NUP205: variants seen among roughly 807,000 people sequenced by gnomAD.
NUP205 encodes the protein nuclear pore complex protein Nup205.
In NUP205, 76 loss-of-function variants were observed where a neutral mutation model predicts 253.8. The observed-to-expected ratio is 0.30, with a 90% CI of 0.25 to 0.36. The LOEUF (loss-of-function observed/expected upper bound fraction) is 0.36, where lower values mean the gene tolerates loss of function less well. Among genes scored for constraint, NUP205 ranks in the 10% least tolerant of loss-of-function variants. The pLI is 1.00. For synonymous variants in NUP205, 832 were observed against 850.1 expected (o/e 0.98, Z 0.37); for missense variants, 2,162 against 2,425.5 (o/e 0.89, Z 2.28).
At chr7:135,561,722 C>G (rs1424534439) in intron 1 of NUP205, among the ~76,000 whole-genome samples, 1 of 152,182 alleles carries the variant, frequency 6.6e-6, no homozygotes, top group Admixed American at 6.6e-5. Flanking sequence ...GTAAATCCCA[C>G]CCATTGTGTT....
chr7:135,622,415 C>A (rs1466590509), intron 30 of NUP205, among the ~76,000 whole-genome samples: 1 of 143,686 alleles, frequency 7.0e-6, no homozygotes, highest in Non-Finnish European at 1.5e-5. Context: ...GAGCCAGGCT[C>A]TGTCTCAAAA....
chr7:135,589,293 CT>C (rs1161966811), intron 10 of NUP205, among the ~76,000 whole-genome samples: 3 of 147,516 alleles, frequency 2.0e-5, no homozygotes. Context: ...GATCAGATGC[CT>C]TTTTTTTTGA....
intron 10 of NUP205, among the ~76,000 whole-genome samples, chr7:135,590,999 G>T (rs992549878): frequency 6.6e-6 from 1 of 152,196 alleles, no homozygotes; most frequent in Non-Finnish European, 1.5e-5. Flanking sequence ...AAGAACAGGA[G>T]TATGGGAACG....
chr7:135,648,320 A>C, intron 42 of NUP205, 84 bp from the exon 43 acceptor site: 1 of 1,211,216 alleles, frequency 8.3e-7, no homozygotes, highest in Non-Finnish European at 1.1e-6. Context: ...CAAAAATTCT[A>C]AAGTGTTTTA....
intron 3 of NUP205, among the ~76,000 whole-genome samples, chr7:135,575,434 G>T (rs1251939912): frequency 6.6e-6 from 1 of 152,044 alleles, no homozygotes; most frequent in Non-Finnish European, 1.5e-5. Context: ...TGGAGGAGTA[G>T]TTGCAGTAAG....
chr7:135,579,521 A>G (rs1248256431), intron 7 of NUP205, among the ~76,000 whole-genome samples: 1 of 152,116 alleles, frequency 6.6e-6, no homozygotes, highest in Non-Finnish European at 1.5e-5. Flanking sequence ...ATTAAAATAT[A>G]CTATTCCTTT....
intron 1 of NUP205, among the ~76,000 whole-genome samples, chr7:135,564,151 A>G (rs183683474): frequency 8.6e-5 from 13 of 151,236 alleles, no homozygotes; most frequent in African/African-American, 2.9e-4. Flanking sequence ...CAGTCATGGC[A>G]TACTACAGCC....
intron 25 of NUP205, 89 bp from the exon 26 acceptor site, chr7:135,617,001 G>T (rs939284200): frequency 1.1e-6 from 1 of 942,566 alleles, no homozygotes; most frequent in African/African-American, 1.7e-5. Flanking sequence ...TCTGAAAATA[G>T]CACTGTCTTT....
At chr7:135,570,052 T>TATATATATAG (rs1284263475) in intron 1 of NUP205, among the ~76,000 whole-genome samples, 4 of 79,166 alleles carry the variant, frequency 5.1e-5, no homozygotes, top group South Asian at 5.1e-4. Context: ...TATATATATA[T>TATATATATAG]AGAGAGAGAG....
chr7:135,640,824 A>G (rs1794903764), intron 38 of NUP205, among the ~76,000 whole-genome samples: 1 of 152,184 alleles, frequency 6.6e-6, no homozygotes, highest in Non-Finnish European at 1.5e-5. Flanking sequence ...ATAGAGTAAA[A>G]TAGTTAAATT....
At chr7:135,619,730 T>G in intron 29 of NUP205, 40 bp downstream of exon 29, 3 of 1,597,226 alleles carry the variant, frequency 1.9e-6, no homozygotes, top group Non-Finnish European at 2.6e-6. Context: ...CTATCTTTTG[T>G]ATTTGTTTTA....
rs1794350156 is a variant in NUP205, at chr7:135,616,048, C to T, written c.3443C>T (p.Pro1148Leu). The T allele has an allele frequency of 6.2e-6, 10 of 1,613,398 alleles. No individual in the cohort carries two copies. The highest frequency in any genetic ancestry group is 4.4e-5 in the South Asian group (4 of 90,996). ...CTACACCTCTTACTGGATGACATGC[C>T]AGTGAAACCATACTCAGGTGAGTAT... Reference protein sequence around the residue: ...RLLHLLLDDMPVKPYSDGEGG... With the variant: ...RLLHLLLDDMLVKPYSDGEGG... Residue 1148 changes from proline to leucine, a missense_variant, in exon 24 of 43, where the codon CCA becomes CTA. Pro to Leu is a moderately conservative substitution (Grantham distance 98). This residue lies in a region of NUP205 where 1,144 missense variants were observed against 1,280.9 expected (regional missense o/e 0.89). Coordinates refer to ENST00000285968, the MANE Select transcript of NUP205 (RefSeq NM_015135.3).
chr7:135,631,775 A>G (rs1584687668), intron 35 of NUP205, among the ~76,000 whole-genome samples: 1 of 134,254 alleles, frequency 7.4e-6, no homozygotes, highest in African/African-American at 2.8e-5. Flanking sequence ...TTTGAGACGG[A>G]GTCTTGCTCT....
At chr7:135,592,639 C>A (rs1209167498) in intron 11 of NUP205, among the ~76,000 whole-genome samples, 1 of 152,172 alleles carries the variant, frequency 6.6e-6, no homozygotes, top group Non-Finnish European at 1.5e-5. Context: ...GTAATCCCAG[C>A]ACTTTGGGAG....
intron 2 of NUP205, among the ~76,000 whole-genome samples, chr7:135,573,013 A>G (rs1299493268): frequency 6.9e-6 from 1 of 144,750 alleles, no homozygotes; most frequent in Non-Finnish European, 1.5e-5. Flanking sequence ...CCTGGGAACC[A>G]GTTGAGCTGA....
At chr7:135,625,449 A>G in intron 32 of NUP205, 94 bp downstream of exon 32, 1 of 954,166 alleles carries the variant, frequency 1.0e-6, no homozygotes. Flanking sequence ...TACATTCTGA[A>G]TATTTCTATC....
At position 135,627,981 on chromosome 7, in the gene NUP205, G is replaced by A; in HGVS notation, c.4802G>A (p.Gly1601Asp). The change falls in exon 34 of 43, where the codon GGC becomes GAC. Residue 1601 changes from glycine to aspartate, a missense_variant. This residue lies in a region of NUP205 where 1,144 missense variants were observed against 1,280.9 expected (regional missense o/e 0.89). Transcript: ENST00000285968. ...RPETDPQSMFGMRDPPMFIPT... is the reference protein window; with the variant it reads ...RPETDPQSMFDMRDPPMFIPT... ...TGTTTGGTTGAAATAAGCATGTTTG[G>A]CATGAGAGACCCTCCAATGTTCATC... The A allele has an allele frequency of 6.2e-7, 1 of 1,611,972 alleles. No individual in the cohort carries two copies. The highest frequency in any genetic ancestry group is 8.5e-7 in the Non-Finnish European group (1 of 1,179,358).
intron 28 of NUP205, 112 bp downstream of exon 28, chr7:135,618,715 TGCAA>T: frequency 6.9e-6 from 6 of 871,036 alleles, no homozygotes; most frequent in Non-Finnish European, 1.1e-5. Flanking sequence ...AATAGAATTG[TGCAA>T]TACCAACGTT....
At chr7:135,602,686 A>G (rs1044349196) in intron 17 of NUP205, 119 bp from the exon 18 acceptor site, 17 of 778,674 alleles carry the variant, frequency 2.2e-5, no homozygotes, top group Non-Finnish European at 3.3e-5. Context: ...GTTGGAAACA[A>G]GAGTCTGAAT....
Sources: allele counts gnomAD v4.1 joint callset (sites outside exome capture counted in the v4.1 genomes callset), GRCh38; gene constraint gnomAD v4.1.1; regional missense constraint gnomAD v4.1.1; transcripts MANE v1.5; gene names NCBI Gene and HGNC (gene_info 2026-07-23, HGNC 2026-07-21).